LYPLA1: variants seen among roughly 807,000 people sequenced by gnomAD.
LYPLA1 encodes the protein lysophospholipase 1, also known as acyl-protein thioesterase 1.
LYPLA1 carries 17 observed loss-of-function variants against 34.0 expected under a neutral mutation model. The observed-to-expected ratio is 0.50, with a 90% CI of 0.34 to 0.75. The LOEUF is 0.75. LYPLA1 is among the 30% of genes least tolerant of loss of function. The pLI, the probability that LYPLA1 is intolerant of heterozygous loss-of-function variation, is 0.01. For synonymous variants in LYPLA1, 98 were observed against 100.8 expected, an observed-to-expected ratio of 0.97 and a Z score of 0.17; for missense variants, 203 against 288.8, an observed-to-expected ratio of 0.70 and a Z score of 2.15.
chr8:54,061,767 G>A (rs933331583), intron 5 of LYPLA1, among the ~76,000 whole-genome samples: 2 of 152,150 alleles, frequency 1.3e-5, no homozygotes, highest in Admixed American at 1.3e-4. Flanking sequence ...AGGTGACACA[G>A]CAAGACCCTC....
chr8:54,078,643 C>A (rs774281516), intron 2 of LYPLA1, among the ~76,000 whole-genome samples: 3 of 152,166 alleles, frequency 2.0e-5, no homozygotes, highest in Non-Finnish European at 4.4e-5. Context: ...CTGCTGCTTA[C>A]TGCTGATCTA....
chr8:54,052,590 T>A (rs1402610448), intron 7 of LYPLA1, 65 bp downstream of exon 7: 2 of 1,013,360 alleles, frequency 2.0e-6, no homozygotes, highest in Non-Finnish European at 3.0e-6. Flanking sequence ...TGACTTTATC[T>A]CCAACAATAT....
At position 54,096,155 on chromosome 8, in the gene LYPLA1, G is replaced by C. The variant is rs576211452; in HGVS notation, c.101+4753C>G. Among the ~76,000 whole-genome samples the C allele has an allele frequency of 8.1e-4, 124 of 152,276 alleles. 1 individual carries two copies. The highest frequency in any genetic ancestry group is 1.6e-3 in the Non-Finnish European group (110 of 68,022). ...CACGCCTGCAACTTATTCTTTAATA[G>C]TTCAGAAATATTAACAATTGGGTAA... On this transcript the variant is annotated intron_variant, in intron 2 of 8. Transcript: ENST00000316963.
rs1420797993 is a variant in LYPLA1, at chr8:54,067,636, G to A, written c.102-1823C>T. Reference sequence around the variant, plus strand: ...CTTTTTACATATTATCTCTACTAAAGAATAAAGTACCAGTAATTTCAGCCT... The same window carrying A: ...CTTTTTACATATTATCTCTACTAAAAAATAAAGTACCAGTAATTTCAGCCT... On this transcript the variant is annotated intron_variant, in intron 2 of 8. Transcript: ENST00000316963. Among the ~76,000 whole-genome samples, 18 of 151,032 alleles carry A rather than the reference G, an allele frequency of 1.2e-4. 1 individual carries two copies. The highest frequency in any genetic ancestry group is 1.2e-3 in the Admixed American group (18 of 15,178).
chr8:54,044,247 CCT>C (rs1436924405), downstream of LYPLA1, among the ~76,000 whole-genome samples: 3 of 151,866 alleles, frequency 2.0e-5, no homozygotes, highest in Non-Finnish European at 2.9e-5. Context: ...TAAATCATTC[CCT>C]CTTATGATTT....
Position 54,090,154 on chromosome 8 carries a change from G to A in LYPLA1, c.101+10754C>T, listed in dbSNP as rs148930312. Among the ~76,000 whole-genome samples, 304 of 152,294 alleles carry A rather than the reference G, an allele frequency of 2.0e-3. 3 individuals carry two copies. Among genetic ancestry groups the A allele is most frequent in the African/African-American group, 6.6e-3 (273 of 41,558 alleles). On this transcript the variant is annotated intron_variant, in intron 2 of 8. Transcript: ENST00000316963. The stretch of plus-strand genomic sequence containing the variant: ...CCTTGTGGAGAGCCTATAAACGGAC[G>A]CATTGGGGGCGCCTGTCCACATGGA...
At chr8:54,092,946 G>GA (rs1177826197) in intron 2 of LYPLA1, among the ~76,000 whole-genome samples, 6 of 152,098 alleles carry the variant, frequency 3.9e-5, no homozygotes, top group African/African-American at 1.4e-4. Context: ...GTTTGTAAAA[G>GA]AAACACCACT....
intron 2 of LYPLA1, among the ~76,000 whole-genome samples, chr8:54,098,757 T>C (rs937269769): frequency 6.6e-6 from 1 of 152,228 alleles, no homozygotes; most frequent in African/African-American, 2.4e-5. Flanking sequence ...AATTTTTCAT[T>C]TAGTATTTTC....
rs554701213 is a variant in LYPLA1 at position 54,073,190 on chromosome 8, G to A, written c.102-7377C>T. 34 of 766,400 alleles carry A rather than the reference G, an allele frequency of 4.4e-5. No homozygotes were observed. In the East Asian group the frequency reaches 4.6e-4, roughly 10 times the overall value. The allele number at this position is 766,400 out of a possible 1,614,324, so 47.5% of individuals were successfully genotyped here. ...CAGGAGGAGCCTGCAATTCATCCTC[G>A]GTCTTCCCAACTTGTGCCGCCCAGG... On this transcript the variant is annotated intron_variant, in intron 2 of 8. Coordinates refer to ENST00000316963, the MANE Select transcript of LYPLA1 (RefSeq NM_006330.4).
At chr8:54,068,981 C>T (rs928651026) in intron 2 of LYPLA1, among the ~76,000 whole-genome samples, 1 of 151,948 alleles carries the variant, frequency 6.6e-6, no homozygotes, top group Non-Finnish European at 1.5e-5. Context: ...AAAAGACAAC[C>T]CAATTAAAAA....
intron 4 of LYPLA1, 123 bp downstream of exon 4, chr8:54,063,205 G>A (rs1397383776): frequency 1.6e-6 from 1 of 613,618 alleles, no homozygotes; most frequent in Non-Finnish European, 2.8e-6. Flanking sequence ...GTAAATAGAG[G>A]TTAACTATGC....
At chr8:54,057,310 A>C (rs1806274545) in intron 5 of LYPLA1, among the ~76,000 whole-genome samples, 1 of 152,136 alleles carries the variant, frequency 6.6e-6, no homozygotes, top group Non-Finnish European at 1.5e-5. Flanking sequence ...ATCTTTTGGG[A>C]TATATACCCA....
At chr8:54,099,427 C>T (rs890429233) in intron 2 of LYPLA1, among the ~76,000 whole-genome samples, 2 of 152,146 alleles carry the variant, frequency 1.3e-5, no homozygotes, top group African/African-American at 4.8e-5. Flanking sequence ...CCTGTAATCC[C>T]AGCACTTTGG....
chr8:54,087,267 C>T (rs1001669496), intron 2 of LYPLA1, among the ~76,000 whole-genome samples: 3 of 152,154 alleles, frequency 2.0e-5, no homozygotes, highest in Non-Finnish European at 2.9e-5. Flanking sequence ...GTAATAAAGT[C>T]AACAATTCCA....
At chr8:54,073,003 G>T in intron 2 of LYPLA1, 6 of 383,938 alleles carry the variant, frequency 1.6e-5, no homozygotes, top group Non-Finnish European at 2.5e-5. Context: ...GATCATTAAT[G>T]ATTAGAGAAA....
At chr8:54,086,150 CAT>C (rs1160251227) in intron 2 of LYPLA1, among the ~76,000 whole-genome samples, 5 of 152,012 alleles carry the variant, frequency 3.3e-5, no homozygotes, top group Non-Finnish European at 7.4e-5. Context: ...CTCTCTGAAA[CAT>C]GTGCTGTGTC....
At chr8:54,062,072 G>A (rs1386201716) in intron 5 of LYPLA1, among the ~76,000 whole-genome samples, 182 bp downstream of exon 5, 1 of 152,054 alleles carries the variant, frequency 6.6e-6, no homozygotes, top group African/African-American at 2.4e-5. Context: ...GGCCAAGCTG[G>A]TCTTGAACTC....
intron 3 of LYPLA1, 86 bp downstream of exon 3, chr8:54,065,662 T>A (rs1337920686): frequency 6.4e-6 from 6 of 930,614 alleles, no homozygotes; most frequent in Admixed American, 6.1e-5. Flanking sequence ...TTAACTGTAT[T>A]CAAATACTTT....
chr8:54,073,406 G>A, intron 2 of LYPLA1: 2 of 777,924 alleles, frequency 2.6e-6, no homozygotes, highest in Admixed American at 1.7e-5. Flanking sequence ...TGTAAATGCT[G>A]GCACGGCCAG....
Sources: gnomAD v4.1 joint callset for allele counts (sites outside exome capture counted in the v4.1 genomes callset) on GRCh38, gnomAD v4.1.1 for gene constraint, MANE v1.5 for transcripts, NCBI Gene and HGNC (gene_info 2026-07-23, HGNC 2026-07-21) for gene names.